Variants in PTPRA observed in about 807,000 individuals in gnomAD.
PTPRA encodes protein tyrosine phosphatase receptor type A.
PTPRA carries 25 observed loss-of-function variants against 104.8 expected under a neutral mutation model. The ratio of observed to expected loss-of-function variants is 0.24; its 90% confidence interval spans 0.17 to 0.33. The LOEUF (loss-of-function observed/expected upper bound fraction) is 0.33, where lower values mean the gene tolerates loss of function less well. Among genes scored for constraint, PTPRA ranks in the 10% least tolerant of loss-of-function variants. The probability of loss-of-function intolerance (pLI) is 1.00; values close to 1 mark genes in which losing one functional copy is unlikely to be tolerated. For synonymous variants in PTPRA, 323 were observed against 368.9 expected, an observed-to-expected ratio of 0.88 and a Z score of 1.43; for missense variants, 765 against 1,015.3, an observed-to-expected ratio of 0.75 and a Z score of 3.35.
intron 11 of PTPRA, among the ~76,000 whole-genome samples, chr20:3,011,606 AC>A (rs1415563170): frequency 1.3e-5 from 2 of 152,202 alleles, no homozygotes; most frequent in African/African-American, 4.8e-5. Context: ...AGTCACAGAG[AC>A]TAGAAACAGC....
intron 6 of PTPRA, among the ~76,000 whole-genome samples, chr20:2,981,122 C>T (rs1008692942): frequency 2.0e-5 from 3 of 151,758 alleles, no homozygotes; most frequent in African/African-American, 7.3e-5. Flanking sequence ...TAGACCTGCT[C>T]TGGTGTCAAT....
At chr20:2,890,282 C>T (rs903421956) in intron 1 of PTPRA, among the ~76,000 whole-genome samples, 8 of 151,982 alleles carry the variant, frequency 5.3e-5, no homozygotes, top group African/African-American at 1.9e-4. Context: ...CCTTGTCAGG[C>T]CCTACAGTTA....
intron 9 of PTPRA, among the ~76,000 whole-genome samples, chr20:3,003,871 A>G (rs2063742589): frequency 6.6e-6 from 1 of 151,908 alleles, no homozygotes; most frequent in South Asian, 2.1e-4. Flanking sequence ...AATTTTGAAT[A>G]TATGAAACAT....
chr20:2,932,731 G>T (rs140936292), intron 2 of PTPRA, among the ~76,000 whole-genome samples: 5 of 152,306 alleles, frequency 3.3e-5, no homozygotes, highest in Admixed American at 6.5e-5. Flanking sequence ...CAGCACTGAG[G>T]AGTGTGATAC....
intron 1 of PTPRA, among the ~76,000 whole-genome samples, chr20:2,885,151 T>G (rs2090310349): frequency 6.6e-6 from 1 of 152,222 alleles, no homozygotes; most frequent in Non-Finnish European, 1.5e-5. Flanking sequence ...TGCACCTTTT[T>G]ACAATCCCAG....
chr20:2,940,687 AAG>A (rs1043214280), intron 2 of PTPRA, among the ~76,000 whole-genome samples: 13 of 152,172 alleles, frequency 8.5e-5, no homozygotes, highest in East Asian at 3.8e-4. Context: ...CAGAGAGAAA[AAG>A]AGAGAGAGAA....
At chr20:2,879,685 A>G (rs2089942512) in intron 1 of PTPRA, among the ~76,000 whole-genome samples, 1 of 152,214 alleles carries the variant, frequency 6.6e-6, no homozygotes, top group Admixed American at 6.5e-5. Context: ...CAGTGGTCCC[A>G]TAAGATTATA....
chr20:3,022,558 G>C lies in PTPRA; in HGVS notation c.1329-131G>C, dbSNP rs765623210. 74 of 1,308,398 alleles carry C rather than the reference G, an allele frequency of 5.7e-5. No individual in the cohort carries two copies. The highest frequency in any genetic ancestry group is 7.6e-5 in the Non-Finnish European group (73 of 955,526). The allele number at this position is 1,308,398 out of a possible 1,614,324, so 81.0% of individuals were successfully genotyped here. A position where few individuals can be genotyped will look rare whatever the true frequency, so the allele number is the denominator to read the frequency against. ...TACTGGAGTTGTTGGCTCCTGGAGAGCCCCAGCTCTACCCCATTCAGAATT... is the reference window on the plus strand; with the variant it reads ...TACTGGAGTTGTTGGCTCCTGGAGACCCCCAGCTCTACCCCATTCAGAATT... On this transcript the variant is annotated intron_variant, in intron 15 of 23. Coordinates refer to ENST00000399903, the MANE Select transcript of PTPRA (RefSeq NM_001385305.1). The surrounding 1 kb of genome is among the most constrained non-coding windows in gnomAD (Gnocchi z 4.6).
At position 3,037,259 on chromosome 20, in the gene PTPRA, G is replaced by A. The variant is rs757508341; in HGVS notation, c.2304G>A (p.Arg768=). 16 of 1,614,104 alleles carry A rather than the reference G, an allele frequency of 9.9e-6. No homozygotes were observed. Among genetic ancestry groups the A allele is most frequent in the Non-Finnish European group, 8.5e-7 (1 of 1,180,050 alleles). ...TCTTCCAGACTGTCAAGAGCCTGCG[G>A]CTACAGAGGCCACACATGGTCCAGA... ...LDVFQTVKSL[R]LQRPHMVQTL... is the part of the protein sequence containing the mutation. The change falls in exon 23 of 24, where the codon CGG becomes CGA. Residue 768 remains arginine (R), a synonymous_variant. Transcript: ENST00000399903. The surrounding 1 kb of genome is among the most constrained non-coding windows in gnomAD (Gnocchi z 4.3).
intron 1 of PTPRA, among the ~76,000 whole-genome samples, chr20:2,921,632 C>T (rs974736199): frequency 1.3e-5 from 2 of 151,868 alleles, no homozygotes; most frequent in Admixed American, 6.6e-5. Context: ...TCAGTGTGAA[C>T]GTGAATGTTA....
intron 3 of PTPRA, among the ~76,000 whole-genome samples, chr20:2,963,967 G>A (rs2061853074): frequency 6.6e-6 from 1 of 151,904 alleles, no homozygotes; most frequent in Non-Finnish European, 1.5e-5. Flanking sequence ...TTGAGTCCAG[G>A]AGGTAGAGGC....
At chr20:2,885,470 G>A (rs2146893577) in intron 1 of PTPRA, among the ~76,000 whole-genome samples, 2 of 152,176 alleles carry the variant, frequency 1.3e-5, no homozygotes, top group South Asian at 4.2e-4. Context: ...AAACCATTAG[G>A]GAACTTTATA....
chr20:2,937,017 A>G (rs1318124533), intron 2 of PTPRA, among the ~76,000 whole-genome samples: 1 of 152,028 alleles, frequency 6.6e-6, no homozygotes, highest in Non-Finnish European at 1.5e-5. Flanking sequence ...CTAGGAATAT[A>G]TATGTAGATA....
intron 3 of PTPRA, among the ~76,000 whole-genome samples, chr20:2,954,847 G>A (rs188068483): frequency 4.6e-5 from 7 of 152,198 alleles, no homozygotes; most frequent in African/African-American, 1.4e-4. Flanking sequence ...TTAGGTTTTC[G>A]ACCCATTTTT....
intron 1 of PTPRA, among the ~76,000 whole-genome samples, chr20:2,913,320 G>A (rs908779839): frequency 2.0e-5 from 3 of 152,144 alleles, no homozygotes; most frequent in Non-Finnish European, 4.4e-5. Context: ...GGAGGTTGCA[G>A]TGAGCTGAGA....
intron 1 of PTPRA, among the ~76,000 whole-genome samples, chr20:2,892,443 T>G (rs1318914521): frequency 6.6e-6 from 1 of 152,178 alleles, no homozygotes; most frequent in Non-Finnish European, 1.5e-5. Context: ...ACGTATTCAG[T>G]AGAAATTGTA....
intron 3 of PTPRA, among the ~76,000 whole-genome samples, chr20:2,948,768 A>T (rs6037434): frequency 6.6e-6 from 1 of 151,658 alleles, no homozygotes; most frequent in Admixed American, 6.6e-5. Context: ...TGGCTAACAC[A>T]GTGAAACCCT....
In PTPRA at chr20:2,950,390, G is replaced by A. The variant is rs1015512561; in HGVS notation, c.-7+2366G>A. On this transcript the variant is annotated intron_variant, in intron 3 of 23. Coordinates refer to ENST00000399903, the MANE Select transcript of PTPRA (RefSeq NM_001385305.1). This position sits in a 1 kb window ranked among gnomAD's most constrained non-coding sequence, Gnocchi z 4.0. ...GTCGTGGCTCACACCTGTAATCCCA[G>A]CACTTTGGGAGGCCGAGGCGGGCGG... 2.6e-5 allele frequency among the ~76,000 whole-genome samples: 4 copies of A among 151,898 alleles called. No individual in the cohort carries two copies. Among genetic ancestry groups the A allele is most frequent in the Non-Finnish European group, 1.5e-5 (1 of 68,010 alleles).
chr20:3,029,649 G>C (rs904066200), intron 20 of PTPRA, among the ~76,000 whole-genome samples: 1 of 145,308 alleles, frequency 6.9e-6, no homozygotes, highest in Non-Finnish European at 1.5e-5. Flanking sequence ...CAATTCTCCT[G>C]CCACAGCCTC....
Sources: allele counts gnomAD v4.1 joint callset (sites outside exome capture counted in the v4.1 genomes callset), GRCh38; gene constraint gnomAD v4.1.1; non-coding constraint Gnocchi (gnomAD v3.1); transcripts MANE v1.5; gene names NCBI Gene and HGNC (gene_info 2026-07-23, HGNC 2026-07-21).